The following GPC6 variants were observed in gnomAD, a reference collection of about 807,000 sequenced individuals.
GPC6 encodes glypican-6.
A neutral mutation model predicts 55.2 loss-of-function variants in GPC6; 14 were observed. The observed-to-expected ratio is 0.25, with a 90% confidence interval of 0.17 to 0.40. GPC6 has a LOEUF of 0.40. GPC6 is among the 10% of genes least tolerant of loss of function. The probability of loss-of-function intolerance (pLI) is 1.00; values close to 1 mark genes in which losing one functional copy is unlikely to be tolerated. For synonymous variants in GPC6, 278 were observed against 259.6 expected (o/e 1.07, Z -0.68); for missense variants, 641 against 708.5 (o/e 0.90, Z 1.08).
chr13:93,584,953 T>C (rs1013215865), intron 2 of GPC6, among the ~76,000 whole-genome samples: 7 of 152,112 alleles, frequency 4.6e-5, no homozygotes, highest in Non-Finnish European at 7.4e-5. Context: ...GCCTCCCAAA[T>C]TGATGGGATT....
At chr13:93,775,838 A>G (rs1403590020) in intron 2 of GPC6, among the ~76,000 whole-genome samples, 1 of 152,118 alleles carries the variant, frequency 6.6e-6, no homozygotes, top group Non-Finnish European at 1.5e-5. Flanking sequence ...CAGAGTTTTA[A>G]AGTTACTTAG....
At chr13:94,380,623 C>A (rs1399900579) in intron 6 of GPC6, among the ~76,000 whole-genome samples, 1 of 152,136 alleles carries the variant, frequency 6.6e-6, no homozygotes, top group African/African-American at 2.4e-5. Context: ...GGAAATTATA[C>A]CCCTTTCATT....
At chr13:94,107,967 A>G (rs149224998) in intron 4 of GPC6, among the ~76,000 whole-genome samples, 1 of 152,312 alleles carries the variant, frequency 6.6e-6, no homozygotes, top group East Asian at 1.9e-4. Context: ...GCCACTATGG[A>G]AAACAGTGTG....
At chr13:93,310,845 A>G (rs1282014360) in intron 1 of GPC6, among the ~76,000 whole-genome samples, 1 of 152,220 alleles carries the variant, frequency 6.6e-6, no homozygotes, top group Admixed American at 6.5e-5. Context: ...ACATTGCATC[A>G]TATCTGTCTT....
chr13:93,599,288 A>T (rs1877907287), intron 2 of GPC6, among the ~76,000 whole-genome samples: 1 of 60,344 alleles, frequency 1.7e-5, no homozygotes, highest in African/African-American at 5.4e-5. Flanking sequence ...AATATTGGTA[A>T]AAAAAAAAAA....
At chr13:94,261,708 T>A (rs1177336036) in intron 4 of GPC6, among the ~76,000 whole-genome samples, 1 of 152,104 alleles carries the variant, frequency 6.6e-6, no homozygotes, top group Non-Finnish European at 1.5e-5. Flanking sequence ...GACAGAGACA[T>A]AGAGCCCCAT....
intron 3 of GPC6, among the ~76,000 whole-genome samples, chr13:93,945,674 A>G (rs930975146): frequency 1.3e-5 from 2 of 152,194 alleles, no homozygotes; most frequent in African/African-American, 4.8e-5. Context: ...GACTTCCTGG[A>G]CTGCATGTTG....
At chr13:93,961,247 A>G (rs112939156) in intron 3 of GPC6, among the ~76,000 whole-genome samples, 2,794 of 152,322 alleles carry the variant, frequency 0.018, 97 homozygotes, top group African/African-American at 0.064. Flanking sequence ...ATGAGAACCT[A>G]TAAATAATCT....
At chr13:93,838,703 C>A (rs2138993921) in intron 3 of GPC6, among the ~76,000 whole-genome samples, 1 of 152,096 alleles carries the variant, frequency 6.6e-6, no homozygotes, top group East Asian at 1.9e-4. Flanking sequence ...TTGCAATTAA[C>A]CAGACAAGGG....
intron 1 of GPC6, among the ~76,000 whole-genome samples, chr13:93,329,852 A>C (rs550293369): frequency 2.0e-5 from 3 of 151,730 alleles, no homozygotes; most frequent in East Asian, 3.9e-4. Flanking sequence ...CAAAAAAAAA[A>C]CCCTTGTTGC....
At chr13:94,261,602 A>G (rs923414391) in intron 4 of GPC6, among the ~76,000 whole-genome samples, 21 of 152,266 alleles carry the variant, frequency 1.4e-4, no homozygotes, top group African/African-American at 5.1e-4. Context: ...GCTCAGGCCT[A>G]TACCCTGGAG....
intron 1 of GPC6, among the ~76,000 whole-genome samples, chr13:93,267,390 A>AG (rs1450252737): frequency 1.5e-5 from 2 of 136,836 alleles, no homozygotes; most frequent in Non-Finnish European, 3.2e-5. Context: ...TCCACAGGAG[A>AG]GGGTTTTTTT....
intron 2 of GPC6, among the ~76,000 whole-genome samples, chr13:93,823,174 T>C (rs1246446815): frequency 6.6e-6 from 1 of 152,002 alleles, no homozygotes. Flanking sequence ...AAAATTACTT[T>C]TATAAATAAT....
At chr13:94,071,049 A>T (rs1420500197) in intron 4 of GPC6, among the ~76,000 whole-genome samples, 1 of 152,222 alleles carries the variant, frequency 6.6e-6, no homozygotes, top group East Asian at 1.9e-4. Context: ...TTGATTAATG[A>T]TGCTACACAG....
intron 1 of GPC6, among the ~76,000 whole-genome samples, chr13:93,388,373 G>C (rs1362441023): frequency 1.3e-5 from 2 of 152,188 alleles, no homozygotes; most frequent in Non-Finnish European, 2.9e-5. Context: ...TACCCAAGGA[G>C]GGCTCAAGTT....
chr13:94,378,457 C>G (rs1262290367), intron 6 of GPC6, among the ~76,000 whole-genome samples: 2 of 152,150 alleles, frequency 1.3e-5, no homozygotes. Context: ...TGTCACCTTC[C>G]TCCCTCTTTT....
intron 2 of GPC6, among the ~76,000 whole-genome samples, chr13:93,662,746 A>G (rs16949090): frequency 6.6e-6 from 1 of 152,140 alleles, no homozygotes; most frequent in East Asian, 1.9e-4. Context: ...CCAAGCAGCA[A>G]TTCCCTATTT....
intron 1 of GPC6, among the ~76,000 whole-genome samples, chr13:93,266,308 A>C (rs1010766339): frequency 6.6e-6 from 1 of 152,180 alleles, no homozygotes; most frequent in African/African-American, 2.4e-5. Context: ...ATCTCTTACA[A>C]ATAATACATT....
chr13:93,257,902 G>A (rs1877009040), intron 1 of GPC6, among the ~76,000 whole-genome samples: 1 of 152,178 alleles, frequency 6.6e-6, no homozygotes, highest in Non-Finnish European at 1.5e-5. Flanking sequence ...ATATTAGGAA[G>A]CATTTAGCTC....
Sources: gnomAD v4.1 joint callset for allele counts (sites outside exome capture counted in the v4.1 genomes callset) on GRCh38, gnomAD v4.1.1 for gene constraint, MANE v1.5 for transcripts, NCBI Gene and HGNC (gene_info 2026-07-23, HGNC 2026-07-21) for gene names.